The following GRIN2A variants were observed in gnomAD, a reference collection of about 807,000 sequenced individuals.
The protein encoded by GRIN2A is glutamate receptor ionotropic, NMDA 2A.
In GRIN2A, 22 loss-of-function variants were observed where a neutral mutation model predicts 113.4. That is an observed-to-expected ratio of 0.19 (90% CI 0.14 to 0.28). The LOEUF (loss-of-function observed/expected upper bound fraction) is 0.28. Among genes scored for constraint, GRIN2A ranks in the 10% least tolerant of loss-of-function variants. GRIN2A has a pLI of 1.00. For missense variants in GRIN2A, 1,502 were observed against 1,887.0 expected (o/e 0.80, Z 3.78); for synonymous variants, 827 against 738.4 (o/e 1.12, Z -1.94).
At position 9,759,492 on chromosome 16, in the gene GRIN2A, T is replaced by A; in HGVS notation, c.*3657A>T. 4.5e-6 allele frequency: 1 copy of A among 223,988 alleles called. No homozygotes were observed. The highest frequency in any genetic ancestry group is 2.2e-5 in the African/African-American group (1 of 44,948). 13.9% of individuals were successfully genotyped at this position (223,988 alleles called of 1,614,324 possible). A position where few individuals can be genotyped will look rare whatever the true frequency, so the allele number is the denominator to read the frequency against. ...GGCTAGAGTCCCATTTAAGTGAAAC[T>A]ATTTCATTTGTAAACAAGGTGTAAT... On this transcript the variant is annotated 3_prime_UTR_variant, in exon 13 of 13. Transcript: ENST00000330684.
intron 2 of GRIN2A, among the ~76,000 whole-genome samples, chr16:10,041,890 C>T (rs2047173365): frequency 6.6e-6 from 1 of 152,146 alleles, no homozygotes; most frequent in African/African-American, 2.4e-5. Flanking sequence ...GCAGTCACCC[C>T]CTGGTACTTT....
intron 2 of GRIN2A, among the ~76,000 whole-genome samples, chr16:10,030,098 CG>C (rs1567245256): frequency 6.6e-6 from 1 of 152,110 alleles, no homozygotes; most frequent in East Asian, 1.9e-4. Context: ...AAAGCAAGCA[CG>C]GGCTATGTGC....
At chr16:9,803,207 C>T (rs1265452670) in intron 10 of GRIN2A, among the ~76,000 whole-genome samples, 1 of 151,984 alleles carries the variant, frequency 6.6e-6, no homozygotes, top group Non-Finnish European at 1.5e-5. Flanking sequence ...GAGTTTGAGA[C>T]CAGCTTGACC....
intron 2 of GRIN2A, among the ~76,000 whole-genome samples, chr16:10,011,260 G>T (rs1337041685): frequency 2.6e-5 from 4 of 152,162 alleles, no homozygotes; most frequent in African/African-American, 9.7e-5. Flanking sequence ...ACATTAGAAA[G>T]AATTCTAGAT....
At chr16:9,833,198 G>C (rs1308982305) in intron 8 of GRIN2A, among the ~76,000 whole-genome samples, 1 of 152,190 alleles carries the variant, frequency 6.6e-6, no homozygotes, top group Non-Finnish European at 1.5e-5. Flanking sequence ...CTTTTAATGA[G>C]TTATAGCTAA....
At chr16:10,082,629 G>C (rs966238338) in intron 2 of GRIN2A, among the ~76,000 whole-genome samples, 1 of 152,216 alleles carries the variant, frequency 6.6e-6, no homozygotes, top group African/African-American at 2.4e-5. Flanking sequence ...TGTGCTCAGA[G>C]ACTGGAAGCA....
chr16:9,872,326 G>A (rs2043279577), intron 4 of GRIN2A, among the ~76,000 whole-genome samples: 2 of 152,110 alleles, frequency 1.3e-5, no homozygotes, highest in Non-Finnish European at 1.5e-5. Context: ...CAGTGAAACA[G>A]GGGAGGAAGT....
chr16:10,097,366 T>C (rs72774188), intron 2 of GRIN2A, among the ~76,000 whole-genome samples: 13,766 of 152,254 alleles, frequency 0.09, 804 homozygotes, highest in Non-Finnish European at 0.13. Flanking sequence ...AAACAGAGAA[T>C]GAGGACCCGG....
intron 2 of GRIN2A, among the ~76,000 whole-genome samples, chr16:9,952,816 G>A (rs2045215000): frequency 6.6e-6 from 1 of 152,022 alleles, no homozygotes; most frequent in South Asian, 2.1e-4. Context: ...ATGAAAGAGA[G>A]AAAGTCAGGC....
At chr16:10,053,436 A>G (rs2047392684) in intron 2 of GRIN2A, among the ~76,000 whole-genome samples, 1 of 152,236 alleles carries the variant, frequency 6.6e-6, no homozygotes, top group Admixed American at 6.5e-5. Context: ...AGCTAGCAAG[A>G]GAAGAGCTGG....
chr16:9,888,031 C>T (rs1362399931), intron 4 of GRIN2A, among the ~76,000 whole-genome samples: 1 of 152,234 alleles, frequency 6.6e-6, no homozygotes, highest in African/African-American at 2.4e-5. Flanking sequence ...ACCTCCACCT[C>T]CCGGATTCAA....
intron 2 of GRIN2A, among the ~76,000 whole-genome samples, chr16:10,140,233 C>A (rs533727096): frequency 6.6e-6 from 1 of 152,002 alleles, no homozygotes; most frequent in Non-Finnish European, 1.5e-5. Context: ...TAAATAAAAT[C>A]GATTAGTACT....
chr16:9,841,135 G>C (rs1326964775), intron 5 of GRIN2A, 31 bp from the exon 6 acceptor site: 1 of 1,558,412 alleles, frequency 6.4e-7, no homozygotes, highest in Non-Finnish European at 8.9e-7. Flanking sequence ...ACCACAGAAT[G>C]TTAGCACTGG....
At chr16:10,018,753 G>A (rs1225510464) in intron 2 of GRIN2A, among the ~76,000 whole-genome samples, 2 of 152,154 alleles carry the variant, frequency 1.3e-5, no homozygotes, top group African/African-American at 4.8e-5. Flanking sequence ...ATGAAGATGA[G>A]CAGGAAAGAA....
intron 2 of GRIN2A, among the ~76,000 whole-genome samples, chr16:10,132,965 T>G (rs993550527): frequency 6.6e-6 from 1 of 152,198 alleles, no homozygotes; most frequent in Non-Finnish European, 1.5e-5. Context: ...TTGTAGAGTC[T>G]GCCCACATTC....
At chr16:9,823,946 G>A (rs2042337744) in intron 9 of GRIN2A, among the ~76,000 whole-genome samples, 1 of 152,182 alleles carries the variant, frequency 6.6e-6, no homozygotes, top group African/African-American at 2.4e-5. Context: ...CAATGCAGCA[G>A]TCTCTCCAAC....
chr16:10,168,931 C>G (rs1049282498), intron 2 of GRIN2A, among the ~76,000 whole-genome samples: 2 of 151,352 alleles, frequency 1.3e-5, no homozygotes, highest in Non-Finnish European at 2.9e-5. Context: ...TGCCATTGAA[C>G]TCCAGCCTGG....
intron 2 of GRIN2A, among the ~76,000 whole-genome samples, chr16:10,160,542 A>G (rs1263854734): frequency 6.6e-6 from 1 of 152,242 alleles, no homozygotes; most frequent in Non-Finnish European, 1.5e-5. Flanking sequence ...CCCCATCTGC[A>G]TCTCTCATGT....
intron 2 of GRIN2A, among the ~76,000 whole-genome samples, chr16:9,961,637 C>T (rs979011634): frequency 6.6e-6 from 1 of 152,208 alleles, no homozygotes; most frequent in Non-Finnish European, 1.5e-5. Context: ...TGTAATAAAA[C>T]TGCACTTGCA....
Sources: allele counts gnomAD v4.1 joint callset (sites outside exome capture counted in the v4.1 genomes callset), GRCh38; gene constraint gnomAD v4.1.1; transcripts MANE v1.5; gene names NCBI Gene and HGNC (gene_info 2026-07-23, HGNC 2026-07-21).